PALLD: variants seen among roughly 807,000 people sequenced by gnomAD.
The protein encoded by PALLD is palladin, cytoskeletal associated protein.
PALLD carries 61 observed loss-of-function variants against 123.5 expected under a neutral mutation model. The observed-to-expected ratio is 0.49, with a 90% confidence interval of 0.40 to 0.61. The LOEUF (loss-of-function observed/expected upper bound fraction) is 0.61. Among genes scored for constraint, PALLD ranks in the 20% least tolerant of loss-of-function variants. The pLI is 0.00. For missense variants in PALLD, 1,273 were observed against 1,377.0 expected (o/e 0.92, Z 1.20); for synonymous variants, 465 against 496.4 (o/e 0.94, Z 0.84).
intron 10 of PALLD, among the ~76,000 whole-genome samples, chr4:168,777,177 G>A (rs573038507): frequency 6.6e-6 from 1 of 152,226 alleles, no homozygotes; most frequent in East Asian, 1.9e-4. Context: ...AACTAGGAGA[G>A]ACAGGCCACA....
At chr4:168,525,586 G>T (rs1381101835) in intron 2 of PALLD, among the ~76,000 whole-genome samples, 1 of 152,202 alleles carries the variant, frequency 6.6e-6, no homozygotes, top group African/African-American at 2.4e-5. Flanking sequence ...CAACCTAGAT[G>T]CTAGATATTT....
intron 10 of PALLD, among the ~76,000 whole-genome samples, chr4:168,727,991 G>A (rs1226448117): frequency 6.6e-6 from 1 of 152,082 alleles, no homozygotes; most frequent in Non-Finnish European, 1.5e-5. Flanking sequence ...GCTTGTTTTT[G>A]TCAGCCTTGT....
At chr4:168,542,478 T>C (rs562778010) in intron 2 of PALLD, among the ~76,000 whole-genome samples, 124 of 151,692 alleles carry the variant, frequency 8.2e-4, no homozygotes, top group African/African-American at 2.9e-3. Flanking sequence ...GGCAGGTTTT[T>C]AGTGGCAAAG....
chr4:168,926,475 T>G lies in PALLD; in HGVS notation c.*295T>G. ...TCACATTATGTAAAAGGCAGAAACA[T>G]ACCTTTGACTATAAGAAATTAAAAA... On this transcript the variant is annotated 3_prime_UTR_variant, in exon 22 of 22. Coordinates refer to ENST00000505667, the MANE Select transcript of PALLD (RefSeq NM_001166108.2). 1 of 827,472 alleles carries G rather than the reference T, an allele frequency of 1.2e-6. No homozygotes were observed. Among genetic ancestry groups the G allele is most frequent in the Non-Finnish European group, 1.8e-6 (1 of 554,244 alleles). The allele number at this position is 827,472 out of a possible 1,614,324, so 51.3% of individuals were successfully genotyped here.
At chr4:168,691,217 G>A in intron 7 of PALLD, 52 bp from the exon 8 acceptor site, 1 of 1,335,672 alleles carries the variant, frequency 7.5e-7, no homozygotes, top group Non-Finnish European at 1.1e-6. Context: ...TAATTAAATG[G>A]AACCCCATTC....
At chr4:168,548,154 A>G (rs1447493470) in intron 2 of PALLD, among the ~76,000 whole-genome samples, 1 of 152,168 alleles carries the variant, frequency 6.6e-6, no homozygotes, top group Non-Finnish European at 1.5e-5. Context: ...ACATAAAAAA[A>G]TTAATGAGAC....
chr4:168,701,448 G>C (rs1404840985), intron 8 of PALLD, among the ~76,000 whole-genome samples: 2 of 152,238 alleles, frequency 1.3e-5, no homozygotes, highest in African/African-American at 2.4e-5. Context: ...AGAGCCCTCT[G>C]ATTTAGAAGG....
At chr4:168,900,589 T>G (rs867201686) in intron 14 of PALLD, among the ~76,000 whole-genome samples, 1 of 152,338 alleles carries the variant, frequency 6.6e-6, no homozygotes, top group Middle Eastern at 3.4e-3. Flanking sequence ...TGGCATTGTT[T>G]TGTTTTCCCA....
Position 168,512,286 on chromosome 4 carries a change from C to A in PALLD, c.782C>A (p.Pro261His), listed in dbSNP as rs1762594222. The A allele has an allele frequency of 1.9e-6, 3 of 1,614,166 alleles. No homozygotes were observed. Among genetic ancestry groups the A allele is most frequent in the Non-Finnish European group, 2.5e-6 (3 of 1,180,034 alleles). Residue 261 changes from proline to histidine, a missense_variant, in exon 2 of 22, where the codon CCC (proline) becomes CAC (histidine). By Grantham distance (77) the Pro-to-His change is moderately conservative. Transcript: ENST00000505667. ...VPHNRKSHPQ[P>H]HSALHFPAAP... ...CACAACCGCAAGTCTCACCCACAGCCCCACAGCGCCCTCCACTTCCCAGCT... is the reference window on the plus strand; with the variant it reads ...CACAACCGCAAGTCTCACCCACAGCACCACAGCGCCCTCCACTTCCCAGCT...
chr4:168,918,808 TAAAA>T (rs1189247180), intron 17 of PALLD, among the ~76,000 whole-genome samples: 1 of 152,144 alleles, frequency 6.6e-6, no homozygotes, highest in Admixed American at 6.5e-5. Flanking sequence ...AAAAAACACT[TAAAA>T]AAATTCATAC....
intron 10 of PALLD, among the ~76,000 whole-genome samples, chr4:168,836,470 T>A (rs1231472012): frequency 6.6e-6 from 1 of 152,078 alleles, no homozygotes; most frequent in Non-Finnish European, 1.5e-5. Flanking sequence ...CATAAGAAAA[T>A]GCATGAAACC....
intron 10 of PALLD, among the ~76,000 whole-genome samples, chr4:168,853,188 G>A (rs181034436): frequency 5.8e-4 from 88 of 152,268 alleles, no homozygotes; most frequent in South Asian, 2.3e-3. Context: ...TTTTCTTTTA[G>A]CCAGCATAAT....
At chr4:168,921,416 A>G in intron 17 of PALLD, 118 bp from the exon 18 acceptor site, 2 of 641,662 alleles carry the variant, frequency 3.1e-6, no homozygotes, top group African/African-American at 3.7e-5. Flanking sequence ...CAAAAAAAAA[A>G]AAAAAAAAAA....
At chr4:168,830,104 C>T (rs1237392599) in intron 10 of PALLD, among the ~76,000 whole-genome samples, 2 of 151,808 alleles carry the variant, frequency 1.3e-5, no homozygotes, top group Non-Finnish European at 2.9e-5. Flanking sequence ...TGGTGGCAGG[C>T]GCCTGTTATC....
intron 10 of PALLD, among the ~76,000 whole-genome samples, chr4:168,877,529 C>A (rs1751913387): frequency 6.6e-6 from 1 of 152,246 alleles, no homozygotes; most frequent in African/African-American, 2.4e-5. Context: ...GGCGAGCATA[C>A]TTCACTGACT....
Position 168,564,317 on chromosome 4 carries a change from C to T in PALLD, c.908+51905C>T, listed in dbSNP as rs373372204. ...TAACCAGTGTCTCAAGTGAGGTGAC[C>T]TATTCTCCTTCAACCTACCATGACG... On this transcript the variant is annotated intron_variant, in intron 2 of 21. Coordinates refer to ENST00000505667, the MANE Select transcript of PALLD (RefSeq NM_001166108.2). 5.3e-5 allele frequency among the ~76,000 whole-genome samples: 8 copies of T among 152,334 alleles called. No homozygotes were observed. The East Asian group carries it at 1.2e-3, about 22-fold the overall frequency.
rs1398748799 is a variant in PALLD at position 168,783,050 on chromosome 4, G to GTA, written c.1964+71128_1964+71129insAT. On this transcript the variant is annotated intron_variant, in intron 10 of 21. Transcript: ENST00000505667. ...ACTCACAAATTTTATATATATATGTGTGTGTGTGTGTGTGTGTGTGTGTGT... is the reference window on the plus strand; with the variant it reads ...ACTCACAAATTTTATATATATATGTGTATGTGTGTGTGTGTGTGTGTGTGTGT... 9.1e-4 allele frequency among the ~76,000 whole-genome samples: 65 copies of GTA among 71,482 alleles called. 4 individuals are homozygous for GTA. In the South Asian group the frequency reaches 0.023, roughly 26 times the overall value. 46.9% of individuals were successfully genotyped at this position (71,482 alleles called of 152,430 possible).
At chr4:168,876,940 T>C (rs879079363) in intron 10 of PALLD, among the ~76,000 whole-genome samples, 2 of 152,206 alleles carry the variant, frequency 1.3e-5, no homozygotes, top group African/African-American at 2.4e-5. Flanking sequence ...AGCTGCTTAC[T>C]CTTATTTCAG....
intron 2 of PALLD, among the ~76,000 whole-genome samples, chr4:168,524,176 T>A (rs1370432412): frequency 6.6e-6 from 1 of 152,214 alleles, no homozygotes; most frequent in East Asian, 1.9e-4. Flanking sequence ...ACTCATTTTG[T>A]GGTTGTATTG....
Sources: allele counts gnomAD v4.1 joint callset (sites outside exome capture counted in the v4.1 genomes callset), GRCh38; gene constraint gnomAD v4.1.1; transcripts MANE v1.5; gene names NCBI Gene and HGNC (gene_info 2026-07-23, HGNC 2026-07-21).